Variants in MTUS2 observed in about 807,000 individuals in gnomAD.
MTUS2 encodes microtubule associated scaffold protein 2.
In MTUS2, 40 loss-of-function variants were observed where a neutral mutation model predicts 114.1. The observed-to-expected ratio is 0.35, with a 90% CI of 0.27 to 0.46. MTUS2 has a LOEUF of 0.46. Ranked by LOEUF, MTUS2 falls within the 20% of genes least tolerant of loss-of-function variation. The pLI is 1.00. For synonymous variants in MTUS2, 688 were observed against 672.0 expected (o/e 1.02, Z -0.37); for missense variants, 1,679 against 1,705.4 (o/e 0.98, Z 0.27).
chr13:29,252,078 T>C (rs573443186), intron 5 of MTUS2, among the ~76,000 whole-genome samples: 1 of 152,336 alleles, frequency 6.6e-6, no homozygotes, highest in East Asian at 1.9e-4. Context: ...GCACTCAAGC[T>C]TGGCATAGAA....
chr13:29,492,294 GAT>G lies in MTUS2; in HGVS notation c.3506-351_3506-350del, dbSNP rs568748773. On this transcript the variant is annotated intron_variant, in intron 11 of 15. Transcript: ENST00000612955. ...TGTGTGTGGCATGTGGTGTGTATGT[GAT>G]GTGTGGTAGGTGTGTATGTGTATGT... 6.7e-5 allele frequency among the ~76,000 whole-genome samples: 10 copies of G among 150,138 alleles called. No homozygotes were observed. The South Asian group carries it at 2.1e-3, about 32-fold the overall frequency.
intron 5 of MTUS2, among the ~76,000 whole-genome samples, chr13:29,238,456 C>T (rs768394845): frequency 4.6e-5 from 7 of 152,176 alleles, no homozygotes; most frequent in Non-Finnish European, 7.3e-5. Flanking sequence ...CTTCAGTCTG[C>T]GGCCAAAGGT....
chr13:29,310,184 T>A (rs1156427825), intron 6 of MTUS2, among the ~76,000 whole-genome samples: 1 of 152,184 alleles, frequency 6.6e-6, no homozygotes, highest in African/African-American at 2.4e-5. Context: ...ATTCTCACAA[T>A]AACCTTGTGG....
intron 5 of MTUS2, among the ~76,000 whole-genome samples, chr13:29,188,753 G>A (rs1894325701): frequency 2.0e-5 from 3 of 152,060 alleles, no homozygotes; most frequent in Admixed American, 2.0e-4. Context: ...TTCTTTCCCA[G>A]GAGTTCCCTT....
At chr13:29,339,854 C>T (rs529491646) in intron 7 of MTUS2, 40 of 152,952 alleles carry the variant, frequency 2.6e-4, no homozygotes, top group African/African-American at 8.2e-4. Flanking sequence ...CCGCAAGGCC[C>T]GGTGTTTCTG....
chr13:29,259,335 G>A (rs1462158595), intron 5 of MTUS2, among the ~76,000 whole-genome samples: 1 of 152,110 alleles, frequency 6.6e-6, no homozygotes, highest in Non-Finnish European at 1.5e-5. Flanking sequence ...CAAGAAGAAA[G>A]CAACTGAAGA....
chr13:29,197,589 G>A (rs559260000), intron 5 of MTUS2, among the ~76,000 whole-genome samples: 11 of 152,050 alleles, frequency 7.2e-5, no homozygotes, highest in African/African-American at 1.5e-4. Context: ...TAATGGGATC[G>A]CTGGGTCAAA....
chr13:29,390,021 GTA>G (rs1230406487), intron 8 of MTUS2, among the ~76,000 whole-genome samples: 1 of 1,338 alleles, frequency 7.5e-4, no homozygotes, highest in South Asian at 0.5. Context: ...ACACATACAT[GTA>G]TGTGTATGTA....
intron 9 of MTUS2, among the ~76,000 whole-genome samples, chr13:29,455,675 T>C (rs1239235233): frequency 6.6e-6 from 1 of 151,880 alleles, no homozygotes. Flanking sequence ...AGGAAAAAAG[T>C]AGTCAGTAGA....
At chr13:28,930,362 A>G (rs1326190571) in intron 2 of MTUS2, among the ~76,000 whole-genome samples, 1 of 152,138 alleles carries the variant, frequency 6.6e-6, no homozygotes, top group Admixed American at 6.5e-5. Context: ...GCATGGTGGG[A>G]CTGCCCGGGT....
intron 1 of MTUS2, among the ~76,000 whole-genome samples, chr13:28,838,075 A>G (rs1426938137): frequency 3.9e-5 from 6 of 152,198 alleles, no homozygotes; most frequent in African/African-American, 1.2e-4. Context: ...TTATCCTCAC[A>G]TAATTAATCT....
intron 8 of MTUS2, among the ~76,000 whole-genome samples, chr13:29,430,882 T>C (rs927455312): frequency 2.0e-5 from 3 of 152,172 alleles, no homozygotes; most frequent in Non-Finnish European, 2.9e-5. Context: ...GTTAATCAAC[T>C]CTAACAACCC....
chr13:28,836,288 T>C (rs1002803379), intron 1 of MTUS2, among the ~76,000 whole-genome samples: 7 of 152,220 alleles, frequency 4.6e-5, no homozygotes, highest in Non-Finnish European at 1.0e-4. Context: ...CAAGTGCTCA[T>C]TGGCCACCCC....
intron 5 of MTUS2, among the ~76,000 whole-genome samples, chr13:29,188,382 A>G (rs1256715388): frequency 2.6e-5 from 4 of 152,222 alleles, no homozygotes; most frequent in Non-Finnish European, 1.5e-5. Flanking sequence ...GGCATGTTAT[A>G]TGAATGAGCC....
intron 6 of MTUS2, among the ~76,000 whole-genome samples, chr13:29,302,673 G>A (rs1012023682): frequency 6.6e-6 from 1 of 152,212 alleles, no homozygotes; most frequent in Non-Finnish European, 1.5e-5. Context: ...AAGTTCCTGT[G>A]GGAGGAGGCA....
At chr13:29,050,877 G>T (rs373801609) in intron 4 of MTUS2, among the ~76,000 whole-genome samples, 6 of 152,186 alleles carry the variant, frequency 3.9e-5, no homozygotes, top group African/African-American at 1.4e-4. Flanking sequence ...GAGTGAGCCT[G>T]GTGTGGTCAG....
chr13:29,460,597 G>A (rs1161262860), intron 9 of MTUS2, among the ~76,000 whole-genome samples: 1 of 152,114 alleles, frequency 6.6e-6, no homozygotes, highest in Non-Finnish European at 1.5e-5. Context: ...CTCAAGTCCT[G>A]TTTTTCCTTC....
At position 29,237,812 on chromosome 13, in the gene MTUS2, G is replaced by C. The variant is rs528398911; in HGVS notation, c.2645-43892G>C. ...ACGGCCAACAAGTATATGAAAGTGT[G>C]CTCAACTTCATTAATCATCATGGAA... On this transcript the variant is annotated intron_variant, in intron 5 of 15. Coordinates refer to ENST00000612955, the MANE Select transcript of MTUS2 (RefSeq NM_001033602.4). Among the ~76,000 whole-genome samples, 4 of 152,246 alleles carry C rather than the reference G, an allele frequency of 2.6e-5. No homozygotes were observed. In the East Asian group the frequency reaches 7.7e-4, roughly 29 times the overall value.
At chr13:28,903,563 T>C in intron 2 of MTUS2, among the ~76,000 whole-genome samples, 1 of 151,782 alleles carries the variant, frequency 6.6e-6, no homozygotes, top group Non-Finnish European at 1.5e-5. Flanking sequence ...GGTTTCCAGC[T>C]TCATCCATGT....
Sources: gnomAD v4.1 joint callset for allele counts (sites outside exome capture counted in the v4.1 genomes callset) on GRCh38, gnomAD v4.1.1 for gene constraint, MANE v1.5 for transcripts, NCBI Gene and HGNC (gene_info 2026-07-23, HGNC 2026-07-21) for gene names.